SLC9A9: variants seen among roughly 807,000 people sequenced by gnomAD.
SLC9A9 encodes the protein sodium/hydrogen exchanger 9.
SLC9A9 carries 62 observed loss-of-function variants against 77.8 expected under a neutral mutation model. That is an observed-to-expected ratio of 0.80 (90% CI 0.65 to 0.98). The LOEUF is 0.98. Ranked by LOEUF, SLC9A9 falls within the 50% of genes least tolerant of loss-of-function variation. The probability of loss-of-function intolerance (pLI) is 0.00; values close to 1 mark genes in which losing one functional copy is unlikely to be tolerated. For synonymous variants in SLC9A9, 320 were observed against 283.5 expected (o/e 1.13, Z -1.29); for missense variants, 775 against 774.9 (o/e 1.00, Z 0.00).
intron 12 of SLC9A9, among the ~76,000 whole-genome samples, chr3:143,416,559 A>G (rs73144770): frequency 0.094 from 14,367 of 152,194 alleles, 779 homozygotes; most frequent in East Asian, 0.16. Context: ...TTTTAGCAAC[A>G]AAGTTTTTTT....
At chr3:143,843,356 T>C (rs569228283) in intron 1 of SLC9A9, among the ~76,000 whole-genome samples, 13 of 152,228 alleles carry the variant, frequency 8.5e-5, no homozygotes, top group Admixed American at 1.3e-4. Context: ...TCAGAAAAGA[T>C]AATTTTTCAA....
chr3:143,322,898 A>G lies in SLC9A9; in HGVS notation c.1604+40586T>C, dbSNP rs79059948. Among the ~76,000 whole-genome samples, 33 of 152,338 alleles carry G rather than the reference A, an allele frequency of 2.2e-4. No homozygotes were observed. The East Asian group carries it at 6.2e-3, about 28-fold the overall frequency. On this transcript the variant is annotated intron_variant, in intron 14 of 15. Transcript: ENST00000316549. ...CATTGGGGAAAAGACACCAAAGAAC[A>G]CGAATAGACATTTCTCCAAAAAAAC...
At position 143,794,987 on chromosome 3, in the gene SLC9A9, C is replaced by T. The variant is rs1018694717; in HGVS notation, c.533+14G>A. 5 of 1,612,772 alleles carry T rather than the reference C, an allele frequency of 3.1e-6. No homozygotes were observed. The highest frequency in any genetic ancestry group is 1.3e-5 in the African/African-American group (1 of 74,934). On this transcript the variant is annotated intron_variant, in intron 4 of 15. Coordinates refer to ENST00000316549, the MANE Select transcript of SLC9A9 (RefSeq NM_173653.4). ...CCACAGCCACCTGCAACTTGAGCTCCGAATGTCACTTACCCTATGACGATG... is the reference window on the plus strand; with the variant it reads ...CCACAGCCACCTGCAACTTGAGCTCTGAATGTCACTTACCCTATGACGATG...
chr3:143,557,349 A>G (rs2037002798), intron 8 of SLC9A9, among the ~76,000 whole-genome samples: 1 of 152,198 alleles, frequency 6.6e-6, no homozygotes, highest in Non-Finnish European at 1.5e-5. Flanking sequence ...CAATGTGAGA[A>G]TGGACTAATA....
intron 4 of SLC9A9, among the ~76,000 whole-genome samples, chr3:143,788,653 T>C (rs1334739552): frequency 7.4e-6 from 1 of 135,022 alleles, no homozygotes; most frequent in Non-Finnish European, 1.5e-5. Flanking sequence ...ATCACGCCAT[T>C]GCACTCCAGC....
At chr3:143,530,607 C>T (rs2036490595) in intron 9 of SLC9A9, among the ~76,000 whole-genome samples, 1 of 152,022 alleles carries the variant, frequency 6.6e-6, no homozygotes, top group African/African-American at 2.4e-5. Flanking sequence ...GAAAAGTGTG[C>T]ATGCATTATC....
In SLC9A9 at chr3:143,701,313, G is replaced by C. The variant is rs1216081394; in HGVS notation, c.534-8006C>G. On this transcript the variant is annotated intron_variant, in intron 4 of 15. Transcript: ENST00000316549. The stretch of plus-strand genomic sequence containing the variant: ...AACCTCACCAAGTGAACTAAATAAG[G>C]CACCAGGGAACAATTTTAAAGCAAC... Among the ~76,000 whole-genome samples the C allele has an allele frequency of 4.6e-5, 7 of 152,146 alleles. No individual in the cohort carries two copies. The East Asian group carries it at 1.2e-3, about 25-fold the overall frequency.
chr3:143,630,565 C>A (rs191462359), intron 6 of SLC9A9, among the ~76,000 whole-genome samples: 1 of 152,164 alleles, frequency 6.6e-6, no homozygotes, highest in East Asian at 1.9e-4. Flanking sequence ...CAGATAAGAT[C>A]AATTTTGTTA....
intron 12 of SLC9A9, among the ~76,000 whole-genome samples, chr3:143,426,623 G>A (rs970155637): frequency 9.2e-5 from 14 of 152,118 alleles, no homozygotes; most frequent in African/African-American, 3.4e-4. Flanking sequence ...CCTGCATGCA[G>A]CATGCAGAAA....
intron 14 of SLC9A9, among the ~76,000 whole-genome samples, chr3:143,350,543 C>A (rs979573910): frequency 2.0e-5 from 3 of 152,302 alleles, no homozygotes; most frequent in Admixed American, 6.5e-5. Flanking sequence ...CAAGCACACA[C>A]AATAATTTTC....
At chr3:143,325,188 C>T (rs1435839022) in intron 14 of SLC9A9, among the ~76,000 whole-genome samples, 1 of 151,954 alleles carries the variant, frequency 6.6e-6, no homozygotes, top group Non-Finnish European at 1.5e-5. Flanking sequence ...TTGGCTGTGT[C>T]ACCATGTCAC....
chr3:143,705,042 T>G (rs938478935), intron 4 of SLC9A9, among the ~76,000 whole-genome samples: 1 of 58,516 alleles, frequency 1.7e-5, no homozygotes, highest in African/African-American at 7.2e-5. Context: ...TATCTATCTA[T>G]ATAGATATAG....
In SLC9A9 at chr3:143,285,939, G is replaced by T. The variant is rs562146093; in HGVS notation, c.1605-16959C>A. Among the ~76,000 whole-genome samples the T allele has an allele frequency of 4.6e-5, 7 of 152,270 alleles. No individual in the cohort carries two copies. In the East Asian group the frequency reaches 1.4e-3, roughly 29 times the overall value. ...AGTTTTGAGGAGGTTCTATTCATGA[G>T]CCGGGTGTTTTGAGCATTTTAGTAA... On this transcript the variant is annotated intron_variant, in intron 14 of 15. Transcript: ENST00000316549.
intron 6 of SLC9A9, among the ~76,000 whole-genome samples, chr3:143,601,844 C>A (rs1451195563): frequency 1.3e-5 from 2 of 152,146 alleles, no homozygotes; most frequent in East Asian, 3.9e-4. Context: ...TCGAGACACT[C>A]TCACTTTGCT....
intron 5 of SLC9A9, among the ~76,000 whole-genome samples, chr3:143,670,185 G>C (rs941935691): frequency 3.3e-5 from 5 of 152,148 alleles, no homozygotes; most frequent in African/African-American, 1.2e-4. Context: ...CTAAAAATGA[G>C]GATGTTGAGC....
intron 6 of SLC9A9, among the ~76,000 whole-genome samples, chr3:143,583,035 C>A (rs984909988): frequency 6.6e-6 from 1 of 152,050 alleles, no homozygotes; most frequent in Admixed American, 6.6e-5. Context: ...TGCCTGTAGT[C>A]CCGGCTACTC....
intron 2 of SLC9A9, among the ~76,000 whole-genome samples, chr3:143,798,957 A>G (rs1322086064): frequency 6.6e-6 from 1 of 151,860 alleles, no homozygotes; most frequent in Non-Finnish European, 1.5e-5. Context: ...CCAGGTCTCA[A>G]TTCTTCCTCA....
chr3:143,796,641 T>A (rs889227364), intron 3 of SLC9A9, among the ~76,000 whole-genome samples, 185 bp downstream of exon 3: 15 of 152,220 alleles, frequency 9.9e-5, no homozygotes, highest in African/African-American at 3.6e-4. Context: ...ATGGCCTGTA[T>A]TCAACAGAAC....
chr3:143,740,643 A>G (rs760664074), intron 4 of SLC9A9, among the ~76,000 whole-genome samples: 4 of 152,184 alleles, frequency 2.6e-5, no homozygotes, highest in Non-Finnish European at 5.9e-5. Context: ...AAATGATCAT[A>G]CCTCCCCATT....
Sources: allele counts gnomAD v4.1 joint callset (sites outside exome capture counted in the v4.1 genomes callset), GRCh38; gene constraint gnomAD v4.1.1; transcripts MANE v1.5; gene names NCBI Gene and HGNC (gene_info 2026-07-23, HGNC 2026-07-21).